Variants in FCHSD2 observed in about 807,000 individuals in gnomAD.
FCHSD2 encodes the protein FCH and double SH3 domains 2.
A neutral mutation model predicts 108.1 loss-of-function variants in FCHSD2; 38 were observed. The ratio of observed to expected loss-of-function variants is 0.35; its 90% confidence interval spans 0.27 to 0.46. FCHSD2 has a LOEUF of 0.46. Ranked by LOEUF, FCHSD2 falls within the 20% of genes least tolerant of loss-of-function variation. FCHSD2 has a pLI of 1.00. For missense variants in FCHSD2, 751 were observed against 897.8 expected, an observed-to-expected ratio of 0.84 and a Z score of 2.09; for synonymous variants, 279 against 314.7, an observed-to-expected ratio of 0.89 and a Z score of 1.20.
intron 4 of FCHSD2, among the ~76,000 whole-genome samples, chr11:73,010,738 G>A (rs1857844922): frequency 6.6e-6 from 1 of 152,208 alleles, no homozygotes; most frequent in Non-Finnish European, 1.5e-5. Flanking sequence ...CTGAGGACTG[G>A]GGCACCAGGT....
At position 73,131,594 on chromosome 11, in the gene FCHSD2, C is replaced by T. The variant is rs530866888; in HGVS notation, c.119+8437G>A. ...TGGCATACAGCTGTAATCCCAGCTA[C>T]TCGGGAGGCTGAGGCACAAGGATCG... On this transcript the variant is annotated intron_variant, in intron 2 of 19. Transcript: ENST00000409418. Among the ~76,000 whole-genome samples the T allele has an allele frequency of 4.6e-5, 7 of 151,734 alleles. No individual in the cohort carries two copies. The South Asian group carries it at 8.3e-4, about 18-fold the overall frequency.
chr11:73,078,979 C>G (rs1032431800), intron 3 of FCHSD2, among the ~76,000 whole-genome samples: 56 of 152,048 alleles, frequency 3.7e-4, no homozygotes, highest in African/African-American at 1.3e-3. Context: ...CTGGCCTCAC[C>G]AAGTGTTGGG....
intron 3 of FCHSD2, among the ~76,000 whole-genome samples, chr11:73,071,265 A>G (rs1045878228): frequency 5.3e-5 from 8 of 152,204 alleles, no homozygotes; most frequent in Non-Finnish European, 1.2e-4. Context: ...GTGCATACAC[A>G]TGAAATCTAT....
chr11:72,888,603 T>TTTTC (rs974966266), intron 11 of FCHSD2, among the ~76,000 whole-genome samples: 23 of 152,014 alleles, frequency 1.5e-4, no homozygotes, highest in South Asian at 4.2e-4. Flanking sequence ...TCGAGATATA[T>TTTTC]TTTCTTTCTT....
intron 10 of FCHSD2, chr11:72,900,220 T>TGCCAAACCACCCCC: frequency 1.1e-6 from 1 of 886,388 alleles, no homozygotes; most frequent in Non-Finnish European, 1.8e-6. Context: ...AACCCACACT[T>TGCCAAACCACCCCC]CCCATCCCTC....
intron 3 of FCHSD2, among the ~76,000 whole-genome samples, chr11:73,074,458 C>G (rs974627618): frequency 1.3e-5 from 2 of 152,094 alleles, no homozygotes; most frequent in African/African-American, 4.8e-5. Flanking sequence ...CGAAAATTTA[C>G]TTCAGAAAGA....
chr11:73,090,295 G>A lies in FCHSD2; in HGVS notation c.120-6555C>T, dbSNP rs140272859. On this transcript the variant is annotated intron_variant, in intron 2 of 19. Transcript: ENST00000409418. ...GGCTGGAGTGCAGTGGCGGGATCTC[G>A]GCTCACTGCAAGCTCCACCTTCCGG... Among the ~76,000 whole-genome samples the A allele has an allele frequency of 7.5e-3, 1,098 of 146,612 alleles. 13 individuals are homozygous for A. Among genetic ancestry groups the A allele is most frequent in the African/African-American group, 0.026 (1,026 of 39,616 alleles).
intron 2 of FCHSD2, among the ~76,000 whole-genome samples, chr11:73,128,619 G>A (rs1354268234): frequency 6.6e-6 from 1 of 152,184 alleles, no homozygotes; most frequent in Non-Finnish European, 1.5e-5. Context: ...TTTGCATAAG[G>A]AGAAATTGTC....
intron 8 of FCHSD2, among the ~76,000 whole-genome samples, chr11:72,958,772 T>C (rs1856763875): frequency 6.6e-6 from 1 of 152,144 alleles, no homozygotes; most frequent in Non-Finnish European, 1.5e-5. Flanking sequence ...AAGTTATCTA[T>C]TTTAACCAAA....
chr11:72,912,480 G>A (rs1843056177), intron 9 of FCHSD2, among the ~76,000 whole-genome samples: 1 of 152,082 alleles, frequency 6.6e-6, no homozygotes, highest in Admixed American at 6.6e-5. Flanking sequence ...ATTCCACTTG[G>A]TCATGATGAA....
At chr11:72,842,172 T>A (rs1304271077) in intron 17 of FCHSD2, among the ~76,000 whole-genome samples, 1 of 152,180 alleles carries the variant, frequency 6.6e-6, no homozygotes, top group African/African-American at 2.4e-5. Flanking sequence ...GAGTGGGGAT[T>A]AGGGGCTCTG....
chr11:73,015,597 T>C (rs1221443340), intron 4 of FCHSD2, among the ~76,000 whole-genome samples: 1 of 152,186 alleles, frequency 6.6e-6, no homozygotes, highest in East Asian at 1.9e-4. Flanking sequence ...ATATAAGACA[T>C]GAAAATGATC....
chr11:72,929,448 T>C (rs1324721917), intron 8 of FCHSD2, among the ~76,000 whole-genome samples: 1 of 152,216 alleles, frequency 6.6e-6, no homozygotes, highest in Non-Finnish European at 1.5e-5. Flanking sequence ...CTGGAGGCCT[T>C]CTGGCCTGGG....
At chr11:72,915,831 A>G (rs1242580270) in intron 9 of FCHSD2, among the ~76,000 whole-genome samples, 2 of 152,178 alleles carry the variant, frequency 1.3e-5, no homozygotes, top group Non-Finnish European at 2.9e-5. Context: ...AACAAAAAAC[A>G]AAAAGAAAAG....
intron 6 of FCHSD2, among the ~76,000 whole-genome samples, chr11:72,985,977 T>G (rs542105093): frequency 6.6e-6 from 1 of 152,138 alleles, no homozygotes. Flanking sequence ...TTGGCAGCTG[T>G]GCCTCATGAA....
intron 3 of FCHSD2, among the ~76,000 whole-genome samples, chr11:73,037,298 A>G (rs1299332482): frequency 6.6e-6 from 1 of 152,202 alleles, no homozygotes; most frequent in African/African-American, 2.4e-5. Flanking sequence ...AGTCATCTGA[A>G]GTCCATGGTT....
chr11:73,090,262 G>A (rs1192379727), intron 2 of FCHSD2, among the ~76,000 whole-genome samples: 1 of 111,748 alleles, frequency 8.9e-6, no homozygotes, highest in Non-Finnish European at 1.6e-5. Context: ...GTCTCGCTCT[G>A]TCGCCCAGGC....
chr11:73,004,154 G>A (rs1055045582), intron 4 of FCHSD2, among the ~76,000 whole-genome samples: 15 of 145,454 alleles, frequency 1.0e-4, no homozygotes, highest in African/African-American at 1.8e-4. Context: ...AAGCATATAC[G>A]GTACTTTGCC....
intron 9 of FCHSD2, among the ~76,000 whole-genome samples, chr11:72,915,672 G>C (rs979666793): frequency 2.6e-5 from 4 of 152,096 alleles, no homozygotes; most frequent in African/African-American, 9.7e-5. Flanking sequence ...ACAAAAATTA[G>C]CCGGGCGCGG....
Sources: gnomAD v4.1 joint callset for allele counts (sites outside exome capture counted in the v4.1 genomes callset) on GRCh38, gnomAD v4.1.1 for gene constraint, MANE v1.5 for transcripts, NCBI Gene and HGNC (gene_info 2026-07-23, HGNC 2026-07-21) for gene names.